Variants in IGF1R observed in about 807,000 individuals in gnomAD.
The protein encoded by IGF1R is insulin like growth factor 1 receptor.
A neutral mutation model predicts 144.6 loss-of-function variants in IGF1R; 44 were observed. The observed-to-expected ratio is 0.30, with a 90% CI of 0.24 to 0.39. IGF1R has a LOEUF of 0.39. Ranked by LOEUF, IGF1R falls within the 10% of genes least tolerant of loss-of-function variation. The pLI, the probability that IGF1R is intolerant of heterozygous loss-of-function variation, is 1.00. For synonymous variants in IGF1R, 795 were observed against 722.8 expected (o/e 1.10, Z -1.60); for missense variants, 1,355 against 1,833.7 (o/e 0.74, Z 4.77).
intron 20 of IGF1R, among the ~76,000 whole-genome samples, chr15:98,952,438 T>C (rs2016817439): frequency 6.6e-6 from 1 of 152,154 alleles, no homozygotes; most frequent in Non-Finnish European, 1.5e-5. Flanking sequence ...ATATAAGCCA[T>C]GGAGTAAGAG....
intron 2 of IGF1R, among the ~76,000 whole-genome samples, chr15:98,763,190 G>A (rs1265500426): frequency 6.6e-6 from 1 of 152,182 alleles, no homozygotes. Context: ...TGCAGTGTGT[G>A]TAAATGCCAT....
At chr15:98,944,498 A>G (rs901775231) in intron 19 of IGF1R, among the ~76,000 whole-genome samples, 13 of 152,256 alleles carry the variant, frequency 8.5e-5, no homozygotes, top group African/African-American at 2.7e-4. Flanking sequence ...AGCACAGGTC[A>G]GGAAGGCTAG....
rs1255698184 is a variant in IGF1R at position 98,964,003 on chromosome 15, G to A, written c.*6561G>A. On this transcript the variant is annotated 3_prime_UTR_variant, in exon 21 of 21. Transcript: ENST00000650285. ...TCAACTTTTCATTTGGATGTTTGGC[G>A]TTGCACACACACATCCACCGGTGGA... 2.1e-5 allele frequency: 5 copies of A among 232,952 alleles called. No individual in the cohort carries two copies. The highest frequency in any genetic ancestry group is 6.6e-5 in the African/African-American group (3 of 45,264). The allele number at this position is 232,952 out of a possible 1,614,324, so 14.4% of individuals were successfully genotyped here.
At chr15:98,727,721 C>G (rs887309599) in intron 2 of IGF1R, among the ~76,000 whole-genome samples, 4 of 152,200 alleles carry the variant, frequency 2.6e-5, no homozygotes, top group Non-Finnish European at 5.9e-5. Flanking sequence ...CACAGGCTTT[C>G]CTCTCGGCCT....
chr15:98,960,768 C>A lies in IGF1R; in HGVS notation c.*3326C>A, dbSNP rs976777401. The A allele has an allele frequency of 2.1e-5, 5 of 233,654 alleles. No individual in the cohort carries two copies. The highest frequency in any genetic ancestry group is 8.5e-6 in the Non-Finnish European group (1 of 118,260). 14.5% of individuals were successfully genotyped at this position (233,654 alleles called of 1,614,324 possible). The stretch of plus-strand genomic sequence containing the variant: ...CACAGCCAGTCCCTGATAGAACACA[C>A]GCAGGAGCAGAGTCCCCTCCCCCTC... On this transcript the variant is annotated 3_prime_UTR_variant, in exon 21 of 21. Transcript: ENST00000650285.
Position 98,913,445 on chromosome 15 carries a change from T to G in IGF1R, c.1828+163T>G, listed in dbSNP as rs952007574. Among the ~76,000 whole-genome samples the G allele has an allele frequency of 3.9e-5, 6 of 152,220 alleles. No homozygotes were observed. The East Asian group carries it at 1.2e-3, about 29-fold the overall frequency. On this transcript the variant is annotated intron_variant, in intron 8 of 20. Transcript: ENST00000650285. The stretch of plus-strand genomic sequence containing the variant: ...ATTCATTTCCCCACTGCTAACACAT[T>G]AGGCTCTTCTGTGCCATTTTCTGGC...
At position 98,960,514 on chromosome 15, in the gene IGF1R, G is replaced by A. The variant is rs115803157; in HGVS notation, c.*3072G>A. 279 of 233,392 alleles carry A rather than the reference G, an allele frequency of 1.2e-3. 1 individual carries two copies. Among genetic ancestry groups the A allele is most frequent in the African/African-American group, 5.5e-3 (251 of 45,468 alleles). 14.5% of individuals were successfully genotyped at this position (233,392 alleles called of 1,614,324 possible). On this transcript the variant is annotated 3_prime_UTR_variant, in exon 21 of 21. Coordinates refer to ENST00000650285, the MANE Select transcript of IGF1R (RefSeq NM_000875.5). ...GCAGTGGTTCCTCAGGTTCTGAGGAGAGGAAGGTGTCCAGGCAGCACCATC... is the reference window on the plus strand; with the variant it reads ...GCAGTGGTTCCTCAGGTTCTGAGGAAAGGAAGGTGTCCAGGCAGCACCATC...
intron 1 of IGF1R, among the ~76,000 whole-genome samples, chr15:98,674,411 G>T (rs931067313): frequency 9.2e-5 from 14 of 152,136 alleles, no homozygotes; most frequent in African/African-American, 3.4e-4. Context: ...ATCACCCTAG[G>T]CTTCCTCGTC....
intron 1 of IGF1R, among the ~76,000 whole-genome samples, chr15:98,689,044 A>G (rs1162085506): frequency 6.6e-6 from 1 of 152,170 alleles, no homozygotes; most frequent in Non-Finnish European, 1.5e-5. Flanking sequence ...TAGCAAAATT[A>G]AATCACTCTG....
intron 19 of IGF1R, among the ~76,000 whole-genome samples, chr15:98,945,611 A>T (rs982056619): frequency 6.6e-6 from 1 of 152,084 alleles, no homozygotes; most frequent in Non-Finnish European, 1.5e-5. Context: ...GAGGTGTTGC[A>T]TATTTCTCGG....
intron 1 of IGF1R, among the ~76,000 whole-genome samples, chr15:98,650,351 CCCCGGCGT>C (rs2052327096): frequency 6.6e-6 from 1 of 152,186 alleles, no homozygotes; most frequent in South Asian, 2.1e-4. Context: ...GGTTACCTGC[CCCCGGCGT>C]CCCGGGGCTG....
chr15:98,829,778 T>A (rs2056967782), intron 2 of IGF1R, among the ~76,000 whole-genome samples: 2 of 152,226 alleles, frequency 1.3e-5, no homozygotes, highest in Admixed American at 1.3e-4. Context: ...AATTTTAATG[T>A]GCAAATGCCA....
intron 2 of IGF1R, among the ~76,000 whole-genome samples, chr15:98,805,549 C>T (rs1279650639): frequency 6.6e-6 from 1 of 152,010 alleles, no homozygotes; most frequent in Non-Finnish European, 1.5e-5. Flanking sequence ...AGCACACTGC[C>T]CGTTGTCCCC....
chr15:98,746,284 G>A (rs1032160289), intron 2 of IGF1R, among the ~76,000 whole-genome samples: 1 of 152,186 alleles, frequency 6.6e-6, no homozygotes, highest in Non-Finnish European at 1.5e-5. Flanking sequence ...ACACACCTCA[G>A]TGTACATCTT....
rs562703427 is a variant in IGF1R, at chr15:98,889,131, C to G, written c.641-2194C>G. Among the ~76,000 whole-genome samples, 7 of 152,226 alleles carry G rather than the reference C, an allele frequency of 4.6e-5. No homozygotes were observed. The East Asian group carries it at 1.3e-3, about 29-fold the overall frequency. On this transcript the variant is annotated intron_variant, in intron 2 of 20. Transcript: ENST00000650285. Reference sequence around the variant, plus strand: ...GGAGATGTAGTCTGTAACTGGATGGCCATATTATCAACTAAAAATTACTGA... The same window carrying G: ...GGAGATGTAGTCTGTAACTGGATGGGCATATTATCAACTAAAAATTACTGA...
At chr15:98,856,092 C>T (rs998955934) in intron 2 of IGF1R, among the ~76,000 whole-genome samples, 22 of 152,316 alleles carry the variant, frequency 1.4e-4, no homozygotes, top group Admixed American at 3.3e-4. Flanking sequence ...GTAGAAGGGG[C>T]CTTCTCCAAG....
intron 2 of IGF1R, among the ~76,000 whole-genome samples, chr15:98,770,893 C>T (rs1303154820): frequency 6.6e-6 from 1 of 152,052 alleles, no homozygotes; most frequent in East Asian, 1.9e-4. Flanking sequence ...TAGAAGGGTC[C>T]CCAAAAGTCA....
At chr15:98,899,854 C>G (rs1292787511) in intron 5 of IGF1R, among the ~76,000 whole-genome samples, 1 of 152,180 alleles carries the variant, frequency 6.6e-6, no homozygotes, top group African/African-American at 2.4e-5. Flanking sequence ...GATTTTGCCT[C>G]ATCAGTCAAG....
chr15:98,769,427 AT>A (rs2141369009), intron 2 of IGF1R, among the ~76,000 whole-genome samples: 1 of 152,340 alleles, frequency 6.6e-6, no homozygotes, highest in Admixed American at 6.5e-5. Flanking sequence ...GTAAGAACTC[AT>A]AAAGCTGTAT....
Sources: gnomAD v4.1 joint callset for allele counts (sites outside exome capture counted in the v4.1 genomes callset) on GRCh38, gnomAD v4.1.1 for gene constraint, MANE v1.5 for transcripts, NCBI Gene and HGNC (gene_info 2026-07-23, HGNC 2026-07-21) for gene names.